Variants in OTUD4 observed in about 807,000 individuals in gnomAD.
OTUD4 encodes the protein OTU domain-containing protein 4.
OTUD4 carries 24 observed loss-of-function variants against 130.4 expected under a neutral mutation model. The ratio of observed to expected loss-of-function variants is 0.18; its 90% CI spans 0.13 to 0.26. OTUD4 has a LOEUF of 0.26. OTUD4 is among the 10% of genes least tolerant of loss of function. The pLI is 1.00. For missense variants in OTUD4, 1,031 were observed against 1,329.4 expected (o/e 0.78, Z 3.49); for synonymous variants, 420 against 472.5 (o/e 0.89, Z 1.44).
intron 1 of OTUD4, 113 bp downstream of exon 1, chr4:145,179,702 C>A (rs897991062): frequency 7.1e-6 from 10 of 1,411,610 alleles, no homozygotes; most frequent in Non-Finnish European, 9.1e-6. Context: ...ACAGCCAGGG[C>A]ACGCGCAGCC....
At chr4:145,158,784 T>A (rs1751420508) in intron 7 of OTUD4, among the ~76,000 whole-genome samples, 1 of 152,218 alleles carries the variant, frequency 6.6e-6, no homozygotes, top group African/African-American at 2.4e-5. Flanking sequence ...CTAGGCTATG[T>A]ACTTTATATG....
At chr4:145,148,840 TATCTTAGATAC>T (rs1262941370) in intron 13 of OTUD4, among the ~76,000 whole-genome samples, 1 of 152,236 alleles carries the variant, frequency 6.6e-6, no homozygotes, top group Non-Finnish European at 1.5e-5. Flanking sequence ...AGTAAGTTAA[TATCTTAGATAC>T]TTTTCGTGCA....
chr4:145,176,936 A>G (rs1467449266), intron 1 of OTUD4, among the ~76,000 whole-genome samples: 1 of 152,368 alleles, frequency 6.6e-6, no homozygotes, highest in East Asian at 1.9e-4. Context: ...TTTCAGTGTA[A>G]TAACTGGTTT....
In OTUD4 at chr4:145,155,555, G is replaced by T. The variant is rs758586232; in HGVS notation, c.808+14C>A. On this transcript the variant is annotated intron_variant, in intron 9 of 20. Transcript: ENST00000447906. ...ACAAAGCAAATTTATGGAAAATGCA[G>T]ATTTTTAACTCACCTTGTTTAGACT... is the stretch of plus-strand genomic sequence containing the variant. 7.5e-6 allele frequency: 12 copies of T among 1,601,456 alleles called. No homozygotes were observed. Among genetic ancestry groups the T allele is most frequent in the Admixed American group, 5.1e-5 (3 of 58,792 alleles).
chr4:145,150,600 G>C lies in OTUD4; in HGVS notation c.1172C>G (p.Ala391Gly). ...LQHPSGVRQH[A>G]FSSHSSGSQS... ...TGACCCTGAAGAATGACTAGAGAAC[G>C]CATGTTGTCTTACTCCTGAAGGATG... The change falls in exon 13 of 21, where the codon GCG becomes GGG. Residue 391 changes from alanine (A) to glycine (G), a missense_variant. Physicochemically the swap from Ala to Gly is moderately conservative, Grantham distance 60. This residue lies in a region of OTUD4 where 900 missense variants were observed against 1,095.9 expected (regional missense o/e 0.82). Transcript: ENST00000447906. The C allele has an allele frequency of 6.2e-7, 1 of 1,612,908 alleles. No homozygotes were observed. The highest frequency in any genetic ancestry group is 2.2e-5 in the East Asian group (1 of 44,866).
At chr4:145,140,325 A>C (rs1579241092) in intron 19 of OTUD4, among the ~76,000 whole-genome samples, 1 of 152,188 alleles carries the variant, frequency 6.6e-6, no homozygotes, top group South Asian at 2.1e-4. Flanking sequence ...AAAATTAGGA[A>C]ATAAAAATGT....
intron 1 of OTUD4, among the ~76,000 whole-genome samples, chr4:145,175,054 T>C (rs1202752757): frequency 6.6e-6 from 1 of 152,222 alleles, no homozygotes; most frequent in Non-Finnish European, 1.5e-5. Context: ...CACAATAACT[T>C]TACTCTTCAC....
Position 145,180,008 on chromosome 4 carries a change from G to C in OTUD4, c.-35C>G. The C allele has an allele frequency of 7.1e-7, 1 of 1,410,316 alleles. No homozygotes were observed. Among genetic ancestry groups the C allele is most frequent in the African/African-American group, 1.5e-5 (1 of 65,384 alleles). The allele number at this position is 1,410,316 out of a possible 1,614,324, so 87.4% of individuals were successfully genotyped here. ...CCTGCTGCAGGCCAGGCGCGGCGAG[G>C]GCTAGCCCCACATGGCCAGGCCGCC... On this transcript the variant is annotated 5_prime_UTR_variant, in exon 1 of 21. Transcript: ENST00000447906.
chr4:145,141,937 C>T lies in OTUD4; in HGVS notation c.1822+259G>A, dbSNP rs182862775. Reference sequence around the variant, plus strand: ...ATGAAGGAAGCATCAAACCGTGGTGCTAATTAGTGCTGAGCAACCAAAGCA... The same window carrying T: ...ATGAAGGAAGCATCAAACCGTGGTGTTAATTAGTGCTGAGCAACCAAAGCA... On this transcript the variant is annotated intron_variant, in intron 18 of 20. Transcript: ENST00000447906. 5.3e-5 allele frequency among the ~76,000 whole-genome samples: 8 copies of T among 152,266 alleles called. No individual in the cohort carries two copies. The East Asian group carries it at 1.5e-3, about 29-fold the overall frequency.
At chr4:145,142,931 A>G (rs866140665) in intron 17 of OTUD4, among the ~76,000 whole-genome samples, 6 of 152,214 alleles carry the variant, frequency 3.9e-5, no homozygotes, top group Middle Eastern at 3.2e-3. Flanking sequence ...TTTTTAATGT[A>G]TATTTTTCAA....
chr4:145,155,728 T>C, intron 8 of OTUD4, 42 bp from the exon 9 acceptor site: 1 of 1,329,792 alleles, frequency 7.5e-7, no homozygotes. Flanking sequence ...TAAGTGCTTT[T>C]AAAACATTTT....
At chr4:145,176,342 T>G (rs1206546698) in intron 1 of OTUD4, among the ~76,000 whole-genome samples, 1 of 151,790 alleles carries the variant, frequency 6.6e-6, no homozygotes, top group Admixed American at 6.6e-5. Context: ...CATTTCAAAC[T>G]ACCATCAAGG....
chr4:145,176,820 G>A (rs1315564315), intron 1 of OTUD4, among the ~76,000 whole-genome samples: 2 of 152,172 alleles, frequency 1.3e-5, no homozygotes, highest in African/African-American at 2.4e-5. Flanking sequence ...CACAACCAAG[G>A]CTCATTTATA....
chr4:145,180,230 C>G lies in OTUD4; in HGVS notation c.-257G>C, dbSNP rs565618064. ...ACGCGCCCACGACAAACGGGGGGAGCGGGATTAAGGAAAACCCCGAGAGTG... is the reference window on the plus strand; with the variant it reads ...ACGCGCCCACGACAAACGGGGGGAGGGGGATTAAGGAAAACCCCGAGAGTG... On this transcript the variant is annotated 5_prime_UTR_variant, in exon 1 of 21. Coordinates refer to ENST00000447906, the MANE Select transcript of OTUD4 (RefSeq NM_001366057.1). 6.2e-6 allele frequency: 1 copy of G among 161,158 alleles called. No individual in the cohort carries two copies. The highest frequency in any genetic ancestry group is 1.3e-5 in the Non-Finnish European group (1 of 74,294). The allele number at this position is 161,158 out of a possible 1,614,324, so 10.0% of individuals were successfully genotyped here.
intron 6 of OTUD4, 101 bp from the exon 7 acceptor site, chr4:145,159,736 T>A: frequency 9.0e-7 from 1 of 1,108,598 alleles, no homozygotes; most frequent in Non-Finnish European, 1.3e-6. Flanking sequence ...CTCAGGCTTT[T>A]AAAATCCTGA....
intron 3 of OTUD4, among the ~76,000 whole-genome samples, chr4:145,166,853 C>A (rs1751903292): frequency 6.6e-6 from 1 of 152,122 alleles, no homozygotes; most frequent in Non-Finnish European, 1.5e-5. Flanking sequence ...AAAAATAATT[C>A]ATGTTTCAGC....
At chr4:145,174,304 C>T (rs1057048676) in intron 2 of OTUD4, among the ~76,000 whole-genome samples, 1 of 152,026 alleles carries the variant, frequency 6.6e-6, no homozygotes, top group African/African-American at 2.4e-5. Flanking sequence ...TAGGGAGTTA[C>T]CCATCACAGA....
intron 15 of OTUD4, 79 bp from the exon 16 acceptor site, chr4:145,144,080 G>C (rs1177040539): frequency 1.6e-6 from 2 of 1,237,786 alleles, no homozygotes; most frequent in African/African-American, 3.0e-5. Context: ...TACGAAGATA[G>C]AAGAAGCCAA....
rs1486293167 is a variant in OTUD4 at position 145,155,401 on chromosome 4, A to G, written c.873+10T>C. 6.2e-7 allele frequency: 1 copy of G among 1,603,368 alleles called. No homozygotes were observed. On this transcript the variant is annotated intron_variant, in intron 10 of 20. Transcript: ENST00000447906. The stretch of plus-strand genomic sequence containing the variant: ...GTAAAATCTCTTCTTCTTTTACATA[A>G]GTCACTTACTTGACATTTGTCTCCA...
Sources: allele counts gnomAD v4.1 joint callset (sites outside exome capture counted in the v4.1 genomes callset), GRCh38; gene constraint gnomAD v4.1.1; regional missense constraint gnomAD v4.1.1; transcripts MANE v1.5; gene names NCBI Gene and HGNC (gene_info 2026-07-23, HGNC 2026-07-21).